The following SCEL variants were observed in gnomAD, a reference collection of about 807,000 sequenced individuals.
SCEL encodes the protein sciellin.
Under a neutral mutation model 117.6 loss-of-function variants are expected in SCEL, and 113 were observed. The observed-to-expected ratio is 0.96, with a 90% CI of 0.83 to 1.12. SCEL has a LOEUF of 1.12. Ranked by LOEUF, SCEL falls within the 50% of genes most tolerant of loss-of-function variation. SCEL has a pLI of 0.00. For synonymous variants in SCEL, 270 were observed against 256.2 expected (o/e 1.05, Z -0.51); for missense variants, 785 against 810.8 (o/e 0.97, Z 0.39).
chr13:77,613,971 G>C lies in SCEL; in HGVS notation c.1451+16G>C, dbSNP rs752200392. 1.9e-6 allele frequency: 3 copies of C among 1,604,600 alleles called. No individual in the cohort carries two copies. The Admixed American group carries it at 5.1e-5, about 27-fold the overall frequency. On this transcript the variant is annotated intron_variant, in intron 24 of 32. Coordinates refer to ENST00000349847, the MANE Select transcript of SCEL (RefSeq NM_144777.3). ...ACACTGATGGGTAAGAGATGGATGTGATTTTTGTTGTGTTTCTCGTTAAGT... is the reference window on the plus strand; with the variant it reads ...ACACTGATGGGTAAGAGATGGATGTCATTTTTGTTGTGTTTCTCGTTAAGT...
chr13:77,553,643 C>T (rs980890438), intron 1 of SCEL, among the ~76,000 whole-genome samples: 2 of 152,054 alleles, frequency 1.3e-5, no homozygotes, highest in African/African-American at 4.8e-5. Flanking sequence ...CCGGTGTGCT[C>T]AGCTGCCCAA....
intron 1 of SCEL, among the ~76,000 whole-genome samples, chr13:77,537,017 G>A (rs562515957): frequency 3.3e-5 from 5 of 152,268 alleles, no homozygotes; most frequent in East Asian, 1.9e-4. Flanking sequence ...AGTTTATAAC[G>A]TAGATAAAGC....
intron 22 of SCEL, among the ~76,000 whole-genome samples, chr13:77,611,203 A>G (rs2088621551): frequency 2.6e-5 from 4 of 152,320 alleles, no homozygotes; most frequent in Admixed American, 1.3e-4. Flanking sequence ...ATCTCTGCCA[A>G]TAGTGTGAAA....
At chr13:77,544,948 G>A (rs2083911074) in intron 1 of SCEL, among the ~76,000 whole-genome samples, 1 of 152,156 alleles carries the variant, frequency 6.6e-6, no homozygotes, top group Non-Finnish European at 1.5e-5. Context: ...CCACAAAGAG[G>A]AAATGAAAGA....
At position 77,568,469 on chromosome 13, in the gene SCEL, TACCAAAA is replaced by T. The variant is rs1427578138; in HGVS notation, c.398+137_398+143del. On this transcript the variant is annotated intron_variant, in intron 7 of 32. Transcript: ENST00000349847. ...GGCAGAGTTGAGTAGTAGAAGACAA[TACCAAAA>T]TGGTCTGTAAAGGTTCAAATGTGAC... 526 of 564,346 alleles carry T rather than the reference TACCAAAA, an allele frequency of 9.3e-4. 4 individuals carry two copies. The highest frequency in any genetic ancestry group is 9.1e-3 in the African/African-American group (461 of 50,572). The allele number at this position is 564,346 out of a possible 1,614,324, so 35.0% of individuals were successfully genotyped here.
At chr13:77,542,288 C>A (rs1442623127) in intron 1 of SCEL, among the ~76,000 whole-genome samples, 1 of 152,148 alleles carries the variant, frequency 6.6e-6, no homozygotes, top group African/African-American at 2.4e-5. Flanking sequence ...GTAATCCCAG[C>A]TACTCAGGAG....
chr13:77,580,325 G>A (rs546332299), intron 9 of SCEL, among the ~76,000 whole-genome samples: 36 of 152,280 alleles, frequency 2.4e-4, no homozygotes, highest in Admixed American at 7.2e-4. Flanking sequence ...GTCACTTGGG[G>A]ATGTCTTCAT....
chr13:77,554,573 C>G (rs2084539763), intron 1 of SCEL, among the ~76,000 whole-genome samples: 1 of 152,120 alleles, frequency 6.6e-6, no homozygotes, highest in African/African-American at 2.4e-5. Context: ...CTTTTAGAAC[C>G]CCAAATTATA....
In SCEL at chr13:77,637,103, A is replaced by T. The variant is rs767373422; in HGVS notation, c.1764-17A>T. Reference sequence around the variant, plus strand: ...AAAATCACCTGATTCTCACATGTCCATATATTTTGTTCCTAGTAAATCACC... The same window carrying T: ...AAAATCACCTGATTCTCACATGTCCTTATATTTTGTTCCTAGTAAATCACC... On this transcript the variant is annotated splice_polypyrimidine_tract_variant and intron_variant, in intron 29 of 32. Transcript: ENST00000349847. 4 of 1,339,850 alleles carry T rather than the reference A, an allele frequency of 3.0e-6. No individual in the cohort carries two copies. The highest frequency in any genetic ancestry group is 3.0e-5 in the African/African-American group (2 of 67,148). 83.0% of individuals were successfully genotyped at this position (1,339,850 alleles called of 1,614,324 possible). A position where few individuals can be genotyped will look rare whatever the true frequency, so the allele number is the denominator to read the frequency against.
rs117113572 is a variant in SCEL at position 77,560,418 on chromosome 13, C to T, written c.221+555C>T. Among the ~76,000 whole-genome samples the T allele has an allele frequency of 5.8e-3, 879 of 152,112 alleles. 4 individuals are homozygous for T. Among genetic ancestry groups the T allele is most frequent in the South Asian group, 0.024 (115 of 4,810 alleles). On this transcript the variant is annotated intron_variant, in intron 4 of 32. Transcript: ENST00000349847. The stretch of plus-strand genomic sequence containing the variant: ...CTCCATTGTACTCCAGCCTGGGTGA[C>T]GGAAGAAGACCCTGTTTCTCAAACA...
At chr13:77,571,726 T>TAG (rs1266964339) in intron 8 of SCEL, among the ~76,000 whole-genome samples, 110 of 150,674 alleles carry the variant, frequency 7.3e-4, no homozygotes, top group African/African-American at 2.6e-3. Context: ...TATATATATA[T>TAG]ATATAGAGTA....
intron 15 of SCEL, 90 bp from the exon 16 acceptor site, chr13:77,601,975 T>C: frequency 1.1e-6 from 1 of 949,392 alleles, no homozygotes; most frequent in Non-Finnish European, 1.6e-6. Flanking sequence ...GTGGGAAATC[T>C]GCTGTTGTCA....
At chr13:77,617,391 C>G (rs1208897815) in intron 24 of SCEL, among the ~76,000 whole-genome samples, 1 of 152,030 alleles carries the variant, frequency 6.6e-6, no homozygotes, top group Admixed American at 6.6e-5. Context: ...TAGATAGGCT[C>G]TGACAAGAAA....
At chr13:77,643,669 G>A (rs2090665896) in intron 32 of SCEL, among the ~76,000 whole-genome samples, 2 of 152,054 alleles carry the variant, frequency 1.3e-5, no homozygotes, top group South Asian at 4.1e-4. Context: ...ACAAATGTGT[G>A]ATATTAATGA....
At chr13:77,614,597 T>C (rs191671590) in intron 24 of SCEL, among the ~76,000 whole-genome samples, 2 of 152,296 alleles carry the variant, frequency 1.3e-5, no homozygotes. Context: ...CGATTTCCCC[T>C]TTTAAGTTTT....
At chr13:77,538,666 A>G (rs2083539705) in intron 1 of SCEL, among the ~76,000 whole-genome samples, 1 of 152,136 alleles carries the variant, frequency 6.6e-6, no homozygotes, top group African/African-American at 2.4e-5. Flanking sequence ...TTTTATAGCT[A>G]CCTATTCAAT....
At chr13:77,602,565 C>T in intron 16 of SCEL, 89 bp from the exon 17 acceptor site, 2 of 1,098,886 alleles carry the variant, frequency 1.8e-6, no homozygotes, top group African/African-American at 1.5e-5. Context: ...AAACACCTGA[C>T]ACCACATTCA....
rs773183514 is a variant in SCEL at position 77,632,671 on chromosome 13, CTA to C, written c.1692-1706_1692-1705del. On this transcript the variant is annotated intron_variant, in intron 28 of 32. Coordinates refer to ENST00000349847, the MANE Select transcript of SCEL (RefSeq NM_144777.3). ...CCTCATTTAGGTTTTCATGTCTCTTCTATGTCAGAGTTTACTAACATGGAGGA... is the reference window on the plus strand; with the variant it reads ...CCTCATTTAGGTTTTCATGTCTCTTCTGTCAGAGTTTACTAACATGGAGGA... Among the ~76,000 whole-genome samples, 7 of 152,294 alleles carry C rather than the reference CTA, an allele frequency of 4.6e-5. No individual in the cohort carries two copies. In the South Asian group the frequency reaches 6.2e-4, roughly 14 times the overall value.
At chr13:77,573,750 A>T (rs1047788878) in intron 9 of SCEL, among the ~76,000 whole-genome samples, 2 of 152,130 alleles carry the variant, frequency 1.3e-5, no homozygotes, top group African/African-American at 4.8e-5. Flanking sequence ...CAAATTACTG[A>T]ACATGTTGAG....
Sources: gnomAD v4.1 joint callset for allele counts (sites outside exome capture counted in the v4.1 genomes callset) on GRCh38, gnomAD v4.1.1 for gene constraint, MANE v1.5 for transcripts, NCBI Gene and HGNC (gene_info 2026-07-23, HGNC 2026-07-21) for gene names.